Variants in NEK9 observed in about 807,000 individuals in gnomAD.
The protein encoded by NEK9 is serine/threonine-protein kinase Nek9.
Under a neutral mutation model 123.4 loss-of-function variants are expected in NEK9, and 75 were observed. That is an observed-to-expected ratio of 0.61 (90% confidence interval 0.50 to 0.74). NEK9 has a LOEUF of 0.74. Ranked by LOEUF, NEK9 falls within the 30% of genes least tolerant of loss-of-function variation. NEK9 has a pLI of 0.00. For synonymous variants in NEK9, 438 were observed against 458.7 expected (o/e 0.95, Z 0.58); for missense variants, 952 against 1,214.4 (o/e 0.78, Z 3.21).
intron 19 of NEK9, among the ~76,000 whole-genome samples, chr14:75,090,387 C>T (rs1014657071): frequency 1.2e-4 from 18 of 151,348 alleles, no homozygotes; most frequent in Non-Finnish European, 2.5e-4. Context: ...AATTCACCAG[C>T]AATTCCATCA....
At chr14:75,092,945 T>C (rs573045990) in intron 18 of NEK9, among the ~76,000 whole-genome samples, 87 of 152,280 alleles carry the variant, frequency 5.7e-4, no homozygotes, top group African/African-American at 2.0e-3. Context: ...AGCAGAACTA[T>C]AGTTACCAAA....
intron 5 of NEK9, among the ~76,000 whole-genome samples, chr14:75,117,598 C>CCT (rs1895183703): frequency 6.6e-6 from 1 of 152,122 alleles, no homozygotes; most frequent in South Asian, 2.1e-4. Context: ...TCCTAGATCA[C>CCT]AGAGGCTTCA....
chr14:75,111,253 C>T (rs1894949692), intron 8 of NEK9, among the ~76,000 whole-genome samples: 1 of 152,162 alleles, frequency 6.6e-6, no homozygotes, highest in Non-Finnish European at 1.5e-5. Flanking sequence ...TTGCACCCCA[C>T]GTTCTAGCCC....
At chr14:75,100,623 T>C (rs977290367) in intron 16 of NEK9, among the ~76,000 whole-genome samples, 68 of 152,228 alleles carry the variant, frequency 4.5e-4, no homozygotes, top group African/African-American at 1.5e-3. Flanking sequence ...AGAGAAAATA[T>C]GCTGTTCTCT....
chr14:75,096,855 T>A (rs2139739416), intron 17 of NEK9: 1 of 351,620 alleles, frequency 2.8e-6, no homozygotes, highest in South Asian at 1.3e-4. Flanking sequence ...AAAAAATCAA[T>A]TCTAAGGGGG....
At chr14:75,096,886 A>G (rs1255807457) in intron 17 of NEK9, 1 of 404,320 alleles carries the variant, frequency 2.5e-6, no homozygotes, top group Non-Finnish European at 4.3e-6. Context: ...CCAAACTTAT[A>G]TTAAAAAATA....
At chr14:75,110,445 T>C in intron 8 of NEK9, 74 bp from the exon 9 acceptor site, 1 of 1,150,910 alleles carries the variant, frequency 8.7e-7, no homozygotes, top group South Asian at 1.3e-5. Context: ...GTTTAATACA[T>C]TTCACAGATT....
intron 1 of NEK9, among the ~76,000 whole-genome samples, chr14:75,124,918 G>A (rs529202270): frequency 1.4e-4 from 21 of 148,188 alleles, no homozygotes; most frequent in Non-Finnish European, 3.0e-4. Context: ...CTACAGGCAC[G>A]CACTGCCACA....
chr14:75,092,231 C>T (rs1302181124), intron 18 of NEK9, among the ~76,000 whole-genome samples: 19 of 151,408 alleles, frequency 1.3e-4, no homozygotes, highest in Admixed American at 1.3e-3. Context: ...CTTGGCCTCC[C>T]AAAGTGCTGG....
At chr14:75,107,509 T>A (rs369026309) in intron 10 of NEK9, 22 bp from the exon 11 acceptor site, 1 of 1,555,834 alleles carries the variant, frequency 6.4e-7, no homozygotes, top group Admixed American at 2.2e-5. Context: ...AGAGGTCTTA[T>A]GACTTTTTTT....
At chr14:75,091,759 A>G in intron 18 of NEK9, 1 of 309,300 alleles carries the variant, frequency 3.2e-6, no homozygotes, top group Non-Finnish European at 5.9e-6. Flanking sequence ...TCAATATTCT[A>G]AAAGCATTAC....
chr14:75,124,574 C>T (rs1169760679), intron 1 of NEK9, among the ~76,000 whole-genome samples: 1 of 151,996 alleles, frequency 6.6e-6, no homozygotes, highest in African/African-American at 2.4e-5. Context: ...ACTGGAGAAG[C>T]AGAGAACTGG....
chr14:75,107,186 A>G lies in NEK9; in HGVS notation c.1327+157T>C, dbSNP rs575759793. ...GCTCACCACCCCCTAATACTATAGCAAATTTGGTATGTTATTATTAATGAG... is the reference window on the plus strand; with the variant it reads ...GCTCACCACCCCCTAATACTATAGCGAATTTGGTATGTTATTATTAATGAG... On this transcript the variant is annotated intron_variant, in intron 11 of 21. Transcript: ENST00000238616. Among the ~76,000 whole-genome samples, 10 of 152,094 alleles carry G rather than the reference A, an allele frequency of 6.6e-5. No individual in the cohort carries two copies. The South Asian group carries it at 2.1e-3, about 32-fold the overall frequency.
chr14:75,106,027 T>C (rs749532025), intron 12 of NEK9, 31 bp from the exon 13 acceptor site: 12 of 1,588,100 alleles, frequency 7.6e-6, no homozygotes, highest in South Asian at 4.4e-5. Flanking sequence ...AAAATCATTA[T>C]AATGAGGGCT....
chr14:75,102,317 T>C (rs1238729702), intron 14 of NEK9, among the ~76,000 whole-genome samples: 3 of 152,190 alleles, frequency 2.0e-5, no homozygotes, highest in Admixed American at 6.5e-5. Context: ...AATCAAGTAA[T>C]AGTAATTCTG....
At chr14:75,094,007 A>C (rs1473287484) in intron 18 of NEK9, among the ~76,000 whole-genome samples, 2 of 152,216 alleles carry the variant, frequency 1.3e-5, no homozygotes, top group Non-Finnish European at 2.9e-5. Context: ...CCACCAATGG[A>C]CATTTGCTTT....
At chr14:75,084,814 G>T in intron 21 of NEK9, 128 bp from the exon 22 acceptor site, 1 of 1,135,268 alleles carries the variant, frequency 8.8e-7, no homozygotes, top group Non-Finnish European at 1.3e-6. Context: ...TTGTAGCCAC[G>T]ATCTTGTGAG....
chr14:75,111,784 G>A (rs972854827), intron 8 of NEK9, among the ~76,000 whole-genome samples: 70 of 152,268 alleles, frequency 4.6e-4, no homozygotes, highest in African/African-American at 1.6e-3. Flanking sequence ...CCAGCTACCC[G>A]AGAGGCTAAG....
chr14:75,122,744 T>C (rs1895378589), intron 2 of NEK9, among the ~76,000 whole-genome samples: 1 of 148,628 alleles, frequency 6.7e-6, no homozygotes, highest in South Asian at 2.1e-4. Context: ...GACCTTGTGA[T>C]CCTCCCAAAG....
Sources: allele counts gnomAD v4.1 joint callset (sites outside exome capture counted in the v4.1 genomes callset), GRCh38; gene constraint gnomAD v4.1.1; transcripts MANE v1.5; gene names NCBI Gene and HGNC (gene_info 2026-07-23, HGNC 2026-07-21).